SAMSN1: variants seen among roughly 807,000 people sequenced by gnomAD.
SAMSN1 encodes the protein SAM domain-containing protein SAMSN-1.
Under a neutral mutation model 42.0 loss-of-function variants are expected in SAMSN1, and 31 were observed. The ratio of observed to expected loss-of-function variants is 0.74; its 90% CI spans 0.55 to 1.00. SAMSN1 has a LOEUF of 1.00. Ranked by LOEUF, SAMSN1 falls within the 50% of genes least tolerant of loss-of-function variation. SAMSN1 has a pLI of 0.00. For missense variants in SAMSN1, 464 were observed against 439.4 expected (o/e 1.06, Z -0.50); for synonymous variants, 178 against 151.9 (o/e 1.17, Z -1.26).
rs941187665 is a variant in SAMSN1, at chr21:14,624,026, A to G, written c.157-8010T>C. 2.0e-5 allele frequency among the ~76,000 whole-genome samples: 3 copies of G among 152,222 alleles called. No homozygotes were observed. In the East Asian group the frequency reaches 5.8e-4, roughly 29 times the overall value. On this transcript the variant is annotated intron_variant, in intron 2 of 15. Transcript: ENST00000647101. Reference sequence around the variant, plus strand: ...CTGAACAACCTGCTCTTGAATGACTACTGGGTACACAACGAAATGAAGGCA... The same window carrying G: ...CTGAACAACCTGCTCTTGAATGACTGCTGGGTACACAACGAAATGAAGGCA...
chr21:14,541,520 TTTTG>T (rs1980032266), intron 1 of SAMSN1, among the ~76,000 whole-genome samples: 3 of 151,538 alleles, frequency 2.0e-5, no homozygotes, highest in African/African-American at 2.4e-5. Flanking sequence ...TTGTGGTTTT[TTTTG>T]TTTGTTTGTT....
intron 1 of SAMSN1, among the ~76,000 whole-genome samples, chr21:14,657,831 C>A (rs1169514635): frequency 6.6e-6 from 1 of 151,820 alleles, no homozygotes; most frequent in African/African-American, 2.4e-5. Flanking sequence ...TTTCAAGATG[C>A]TCTAAGATTA....
chr21:14,596,650 C>T (rs1041908458), intron 6 of SAMSN1, among the ~76,000 whole-genome samples: 8 of 152,116 alleles, frequency 5.3e-5, no homozygotes, highest in Admixed American at 2.0e-4. Context: ...TGACATTCTG[C>T]GAAGACACTC....
chr21:14,604,493 G>A (rs1432975380), intron 5 of SAMSN1, among the ~76,000 whole-genome samples: 3 of 152,208 alleles, frequency 2.0e-5, no homozygotes, highest in Non-Finnish European at 4.4e-5. Flanking sequence ...GCAGAGGAAT[G>A]CTTGAGGCCA....
intron 5 of SAMSN1, among the ~76,000 whole-genome samples, chr21:14,503,269 C>T (rs1322298085): frequency 6.6e-6 from 1 of 152,052 alleles, no homozygotes; most frequent in Non-Finnish European, 1.5e-5. Context: ...TGAGCTTTTT[C>T]CTGTTCATCC....
Position 14,498,446 on chromosome 21 carries a change from T to C in SAMSN1, c.915A>G (p.Glu305=). ...AGAGTAGGTGTACACACTTACTTTC[T>C]TCTTCAAGGAAGTTTTCAGCAGCTG... ...LLSAAENFLE[E]EIIQEQENEP... The change falls in exon 7 of 8, where the codon GAA becomes GAG. Residue 305 remains glutamate (E), a synonymous_variant. Coordinates refer to ENST00000400566, the MANE Select transcript of SAMSN1 (RefSeq NM_022136.5). The C allele has an allele frequency of 6.2e-7, 1 of 1,609,842 alleles. No individual in the cohort carries two copies. Among genetic ancestry groups the C allele is most frequent in the Non-Finnish European group, 8.5e-7 (1 of 1,178,830 alleles).
exon 2 of SAMSN1, chr21:14,582,445 C>T (rs1176078461): frequency 1.3e-6 from 2 of 1,517,178 alleles, no homozygotes; most frequent in Admixed American, 4.0e-5. Context: ...TTTCTCGGGA[C>T]TTGGTTAATT....
At chr21:14,510,971 A>G (rs61460456) in intron 4 of SAMSN1, among the ~76,000 whole-genome samples, 4,874 of 152,214 alleles carry the variant, frequency 0.032, 244 homozygotes, top group African/African-American at 0.11. Flanking sequence ...AACTGCTCCA[A>G]ATCCTTGTTG....
chr21:14,605,979 C>T lies in SAMSN1; in HGVS notation c.322+3503G>A, dbSNP rs180974728. On this transcript the variant is annotated intron_variant, in intron 5 of 15. Coordinates refer to the SAMSN1 transcript ENST00000647101. ...TCCTCAGCCTCCCTAGTAGCTGGGA[C>T]TACAGGCGCCCGCCACCACGCCCGG... Among the ~76,000 whole-genome samples, 400 of 151,952 alleles carry T rather than the reference C, an allele frequency of 2.6e-3. 1 individual carries two copies. The highest frequency in any genetic ancestry group is 4.2e-3 in the South Asian group (20 of 4,810).
intron 2 of SAMSN1, among the ~76,000 whole-genome samples, chr21:14,633,882 C>A (rs1041505116): frequency 5.3e-5 from 8 of 152,062 alleles, no homozygotes; most frequent in Non-Finnish European, 8.8e-5. Context: ...CTGTTGGACA[C>A]ATATCATATT....
chr21:14,516,182 T>C (rs1399540179), intron 3 of SAMSN1, among the ~76,000 whole-genome samples: 1 of 152,194 alleles, frequency 6.6e-6, no homozygotes, highest in East Asian at 1.9e-4. Flanking sequence ...AACAGAAGTA[T>C]CTGTAGCAGC....
intron 7 of SAMSN1, among the ~76,000 whole-genome samples, chr21:14,498,066 C>T (rs572246664): frequency 6.6e-6 from 1 of 152,144 alleles, no homozygotes; most frequent in Admixed American, 6.5e-5. Context: ...CTTAAAGCCT[C>T]GTGTTGTTCT....
intron 1 of SAMSN1, among the ~76,000 whole-genome samples, chr21:14,527,361 G>A (rs991219590): frequency 6.6e-6 from 1 of 152,216 alleles, no homozygotes; most frequent in Non-Finnish European, 1.5e-5. Flanking sequence ...AATTGCCTCA[G>A]TGTCACGTGG....
intron 7 of SAMSN1, among the ~76,000 whole-genome samples, chr21:14,495,420 G>A (rs897670578): frequency 6.6e-6 from 1 of 152,154 alleles, no homozygotes; most frequent in African/African-American, 2.4e-5. Flanking sequence ...CTTTCAGTCA[G>A]AATAGCCTAA....
chr21:14,503,785 C>A (rs900833775), intron 5 of SAMSN1, among the ~76,000 whole-genome samples: 1 of 152,010 alleles, frequency 6.6e-6, no homozygotes, highest in Non-Finnish European at 1.5e-5. Flanking sequence ...GGCTCCAGAA[C>A]GATTGCAGAA....
chr21:14,641,157 G>T (rs1398411915), intron 2 of SAMSN1, among the ~76,000 whole-genome samples: 1 of 152,054 alleles, frequency 6.6e-6, no homozygotes, highest in East Asian at 1.9e-4. Context: ...ACACTAATAT[G>T]TGCAAAATAT....
chr21:14,579,953 C>T (rs990437366), intron 2 of SAMSN1, among the ~76,000 whole-genome samples: 2 of 150,140 alleles, frequency 1.3e-5, no homozygotes, highest in Non-Finnish European at 3.0e-5. Flanking sequence ...TCTGTATCTC[C>T]AGTGCCTGAT....
chr21:14,552,313 T>C (rs1234633655), intron 2 of SAMSN1, among the ~76,000 whole-genome samples: 1 of 152,160 alleles, frequency 6.6e-6, no homozygotes, highest in Non-Finnish European at 1.5e-5. Flanking sequence ...ATGAAATTCC[T>C]TTCTATGAAG....
chr21:14,591,637 A>G (rs1982088499), intron 7 of SAMSN1, among the ~76,000 whole-genome samples: 2 of 152,214 alleles, frequency 1.3e-5, no homozygotes, highest in Non-Finnish European at 1.5e-5. Flanking sequence ...CACAGGAGAA[A>G]GATTGCATAA....
Sources: gnomAD v4.1 joint callset for allele counts (sites outside exome capture counted in the v4.1 genomes callset) on GRCh38, gnomAD v4.1.1 for gene constraint, MANE v1.5 for transcripts, NCBI Gene and HGNC (gene_info 2026-07-23, HGNC 2026-07-21) for gene names.